VPS37C: variants seen among roughly 807,000 people sequenced by gnomAD.
VPS37C encodes the protein vacuolar protein sorting-associated protein 37C.
VPS37C carries 9 observed loss-of-function variants against 16.1 expected under a neutral mutation model. The ratio of observed to expected loss-of-function variants is 0.56; its 90% CI spans 0.34 to 0.97. The LOEUF is 0.97. Among genes scored for constraint, VPS37C ranks in the 50% least tolerant of loss-of-function variants. VPS37C has a pLI of 0.02. For missense variants in VPS37C, 479 were observed against 472.7 expected, an observed-to-expected ratio of 1.01 and a Z score of -0.12; for synonymous variants, 207 against 206.4, an observed-to-expected ratio of 1.00 and a Z score of -0.02.
intron 1 of VPS37C, among the ~76,000 whole-genome samples, chr11:61,157,521 G>C (rs531344970): frequency 3.3e-5 from 5 of 151,940 alleles, no homozygotes; most frequent in Non-Finnish European, 7.4e-5. Context: ...TGTGCTTATT[G>C]GTCATTTGTG....
intron 1 of VPS37C, among the ~76,000 whole-genome samples, chr11:61,141,381 G>A (rs1353467545): frequency 1.3e-5 from 2 of 150,674 alleles, no homozygotes; most frequent in African/African-American, 2.4e-5. Context: ...AAAAAAAAAA[G>A]AAAAGAAAGT....
rs668323 is a variant in VPS37C at position 61,138,276 on chromosome 11, G to A, written c.93+461C>T. 2.1e-4 allele frequency: 34 copies of A among 159,968 alleles called. 1 individual carries two copies. The South Asian group carries it at 5.7e-3, about 27-fold the overall frequency. The allele number at this position is 159,968 out of a possible 1,614,324, so 9.9% of individuals were successfully genotyped here. On this transcript the variant is annotated intron_variant, in intron 2 of 4. Transcript: ENST00000301765. The stretch of plus-strand genomic sequence containing the variant: ...AGGATTCTGTTTCTTTCCTCAAGGA[G>A]TCTGTGATTAAGAACTAGAGGATTA...
chr11:61,150,983 G>A (rs116530536), intron 1 of VPS37C, among the ~76,000 whole-genome samples: 4,026 of 152,222 alleles, frequency 0.026, 104 homozygotes, highest in South Asian at 0.071. Context: ...AATCCTCACC[G>A]CTCCTAAGCT....
chr11:61,150,448 C>T (rs1324075556), intron 1 of VPS37C, among the ~76,000 whole-genome samples: 5 of 152,004 alleles, frequency 3.3e-5, no homozygotes, highest in African/African-American at 4.8e-5. Flanking sequence ...TGGGTGGCGG[C>T]GGGAGGGGTC....
rs199606009 is a variant in VPS37C at position 61,132,355 on chromosome 11, G to C, written c.533C>G (p.Pro178Arg). The C allele has an allele frequency of 3.1e-6, 5 of 1,599,598 alleles. No individual in the cohort carries two copies. Among genetic ancestry groups the C allele is most frequent in the Non-Finnish European group, 4.3e-6 (5 of 1,173,014 alleles). ...GDAPPPRPPP[P>R]VRPVPQGTPP... ...TGTTCCCTGGGGGACTGGGCGCACC[G>C]GGGGTGGTGGACGGGGTGGAGGGGC... The change falls in exon 5 of 5, where the codon CCG becomes CGG. Residue 178 changes from proline to arginine, a missense_variant. Coordinates refer to ENST00000301765, the MANE Select transcript of VPS37C (RefSeq NM_017966.5).
At chr11:61,149,181 G>C (rs1335872232) in intron 1 of VPS37C, among the ~76,000 whole-genome samples, 3 of 152,208 alleles carry the variant, frequency 2.0e-5, no homozygotes, top group African/African-American at 7.2e-5. Context: ...AGCTACTCAG[G>C]AGGCTGAGGC....
intron 4 of VPS37C, 167 bp downstream of exon 4, chr11:61,133,087 AT>A (rs1166495152): frequency 2.6e-6 from 2 of 761,728 alleles, no homozygotes; most frequent in Non-Finnish European, 4.5e-6. Flanking sequence ...GGTTCCTGTT[AT>A]TTATACCCAA....
chr11:61,155,353 C>T (rs1471154042), intron 1 of VPS37C, among the ~76,000 whole-genome samples: 1 of 150,850 alleles, frequency 6.6e-6, no homozygotes, highest in East Asian at 2.0e-4. Context: ...AAAACAACTA[C>T]CCAGGCATGG....
At chr11:61,140,769 C>T (rs1861460586) in intron 1 of VPS37C, among the ~76,000 whole-genome samples, 1 of 152,188 alleles carries the variant, frequency 6.6e-6, no homozygotes, top group Admixed American at 6.5e-5. Flanking sequence ...GCTGTTCTCC[C>T]CTTACAAGGA....
rs1355597631 is a variant in VPS37C, at chr11:61,134,221, A to G, written c.94-14T>C. 2.5e-6 allele frequency: 4 copies of G among 1,602,332 alleles called. No individual in the cohort carries two copies. In the South Asian group the frequency reaches 4.4e-5, roughly 18 times the overall value. On this transcript the variant is annotated splice_polypyrimidine_tract_variant and intron_variant, in intron 2 of 4. Transcript: ENST00000301765. ...TAGGTCCTGGACCTAAAAGGGCAGG[A>G]CAACAGAACCTAAGGAAAACGTCCA...
At chr11:61,143,988 A>C (rs1209411035) in intron 1 of VPS37C, 1 of 91,534 alleles carries the variant, frequency 1.1e-5, no homozygotes, top group Non-Finnish European at 2.1e-5. Flanking sequence ...TTTTTTTTTG[A>C]GACGGAGTCT....
chr11:61,152,393 T>C (rs1853310794), intron 1 of VPS37C, among the ~76,000 whole-genome samples: 1 of 152,150 alleles, frequency 6.6e-6, no homozygotes, highest in Non-Finnish European at 1.5e-5. Context: ...ACGAAGGCCA[T>C]TATCAAACAA....
At position 61,132,404 on chromosome 11, in the gene VPS37C, C is replaced by A. The variant is rs1156284169; in HGVS notation, c.484G>T (p.Ala162Ser). 1.2e-6 allele frequency: 2 copies of A among 1,607,422 alleles called. No homozygotes were observed. Among genetic ancestry groups the A allele is most frequent in the South Asian group, 1.1e-5 (1 of 90,214 alleles). ...KLQEVVRKPR[A>S]SQELAGDAPP... ...GCATCGCCGGCCAGCTCCTGGGAAG[C>A]CCTGGGCTTCCTCACCACTTCCTGG... is the stretch of plus-strand genomic sequence containing the variant. Residue 162 changes from alanine to serine, a missense_variant, in exon 5 of 5, where the codon GCT (alanine) becomes TCT (serine). Ala to Ser is a moderately conservative substitution (Grantham distance 99). Coordinates refer to ENST00000301765, the MANE Select transcript of VPS37C (RefSeq NM_017966.5).
chr11:61,138,583 TC>T, intron 2 of VPS37C, 153 bp downstream of exon 2: 1 of 675,098 alleles, frequency 1.5e-6, no homozygotes, highest in South Asian at 1.8e-5. Context: ...GTCTGAAGCC[TC>T]AGGGATTCCT....
chr11:61,158,293 T>C (rs1853409768), intron 1 of VPS37C, among the ~76,000 whole-genome samples: 2 of 152,222 alleles, frequency 1.3e-5, no homozygotes, highest in Non-Finnish European at 2.9e-5. Flanking sequence ...GAAGTGTCAA[T>C]GTCCCTCTCT....
chr11:61,149,701 G>A (rs778172168), intron 1 of VPS37C, among the ~76,000 whole-genome samples: 12 of 152,154 alleles, frequency 7.9e-5, no homozygotes, highest in Non-Finnish European at 1.2e-4. Flanking sequence ...GCATACATAG[G>A]GGGAATGTAC....
chr11:61,138,104 GGAT>G (rs1861412131), intron 2 of VPS37C: 1 of 152,432 alleles, frequency 6.6e-6, no homozygotes, highest in Non-Finnish European at 1.5e-5. Context: ...CCAGCACAAC[GGAT>G]GAGCTGCAGC....
chr11:61,133,139 T>C, intron 4 of VPS37C, 116 bp downstream of exon 4: 1 of 1,163,140 alleles, frequency 8.6e-7, no homozygotes, highest in Non-Finnish European at 1.2e-6. Context: ...ACCTCTGCCA[T>C]CTACGAAAGC....
intron 2 of VPS37C, 74 bp from the exon 3 acceptor site, chr11:61,134,281 C>A: frequency 6.6e-7 from 1 of 1,509,194 alleles, no homozygotes; most frequent in South Asian, 1.2e-5. Context: ...GGGTCAGGGG[C>A]TTCGGGGACA....
Sources: allele counts gnomAD v4.1 joint callset (sites outside exome capture counted in the v4.1 genomes callset), GRCh38; gene constraint gnomAD v4.1.1; transcripts MANE v1.5; gene names NCBI Gene and HGNC (gene_info 2026-07-23, HGNC 2026-07-21).